Variants in ZNF658 observed in about 807,000 individuals in gnomAD.
ZNF658 encodes the protein zinc finger protein 658.
A neutral mutation model predicts 78.0 loss-of-function variants in ZNF658; 46 were observed. The observed-to-expected ratio is 0.59, with a 90% CI of 0.47 to 0.75. The LOEUF is 0.75. ZNF658 is among the 30% of genes least tolerant of loss of function. The pLI, the probability that ZNF658 is intolerant of heterozygous loss-of-function variation, is 0.00. For missense variants in ZNF658, 785 were observed against 1,189.3 expected (o/e 0.66, Z 5.00); for synonymous variants, 279 against 408.4 (o/e 0.68, Z 3.82).
intron 6 of ZNF658, among the ~76,000 whole-genome samples, chr9:66,931,480 T>G (rs1267158919): frequency 6.6e-6 from 1 of 152,172 alleles, no homozygotes; most frequent in Non-Finnish European, 1.5e-5. Flanking sequence ...GGAACGTTTA[T>G]CTATGTAGAA....
chr9:66,909,919 G>T (rs1319146196), intron 4 of ZNF658, among the ~76,000 whole-genome samples: 4 of 152,192 alleles, frequency 2.6e-5, no homozygotes, highest in African/African-American at 9.7e-5. Flanking sequence ...TAATAAGTTG[G>T]TTTCTGGTGA....
At chr9:66,909,683 A>G in intron 4 of ZNF658, among the ~76,000 whole-genome samples, 1 of 152,294 alleles carries the variant, frequency 6.6e-6, no homozygotes. Context: ...TCCTAACAAC[A>G]GCATATGGGG....
rs1357441626 is a variant in ZNF658 at position 66,918,723 on chromosome 9, A to G, written c.1157A>G (p.His386Arg). The change falls in exon 5 of 5, where the codon CAT (histidine) becomes CGT (arginine). Residue 386 changes from histidine to arginine, a missense_variant. Coordinates refer to ENST00000621410, the MANE Select transcript of ZNF658 (RefSeq NM_033160.7). ...GATAAATTCTACCTTTCTGATGAAC[A>G]TGGGAAATGCAGAAAATCCTTTTAC... is the stretch of plus-strand genomic sequence containing the variant. ...TEDKFYLSDE[H>R]GKCRKSFYRK... is the part of the protein sequence containing the mutation. 4 of 1,613,986 alleles carry G rather than the reference A, an allele frequency of 2.5e-6. No homozygotes were observed. Among genetic ancestry groups the G allele is most frequent in the Non-Finnish European group, 2.5e-6 (3 of 1,179,862 alleles).
chr9:66,901,145 A>T (rs959505971), intron 1 of ZNF658: 3 of 152,140 alleles, frequency 2.0e-5, no homozygotes, highest in African/African-American at 7.2e-5. Context: ...GCATTTTGTT[A>T]AGTGTCTGTA....
At chr9:66,914,425 A>T (rs1822286258) in intron 4 of ZNF658, among the ~76,000 whole-genome samples, 1 of 151,946 alleles carries the variant, frequency 6.6e-6, no homozygotes, top group African/African-American at 2.4e-5. Flanking sequence ...GTGTAAATTT[A>T]CTCTGTATCT....
chr9:66,924,307 C>A (rs1332492419), downstream of ZNF658: 1 of 446,688 alleles, frequency 2.2e-6, no homozygotes, highest in East Asian at 7.0e-5. Flanking sequence ...ATGTTAAATG[C>A]TGGTCAGCTG....
rs1336249280 is a variant in ZNF658, at chr9:66,918,724, T to G, written c.1158T>G (p.His386Gln). Reference sequence around the variant, plus strand: ...ATAAATTCTACCTTTCTGATGAACATGGGAAATGCAGAAAATCCTTTTACC... The same window carrying G: ...ATAAATTCTACCTTTCTGATGAACAGGGGAAATGCAGAAAATCCTTTTACC... ...TEDKFYLSDE[H>Q]GKCRKSFYRK... The change falls in exon 5 of 5, where the codon CAT becomes CAG. Residue 386 changes from histidine to glutamine, a missense_variant. By Grantham distance (24) the His-to-Gln change is conservative (BLOSUM62 0). Transcript: ENST00000621410. 2.5e-5 allele frequency: 40 copies of G among 1,613,940 alleles called. No homozygotes were observed. Among genetic ancestry groups the G allele is most frequent in the Non-Finnish European group, 2.4e-5 (28 of 1,179,854 alleles).
chr9:66,926,335 A>G (rs532210462), downstream of ZNF658, among the ~76,000 whole-genome samples: 29 of 150,004 alleles, frequency 1.9e-4, no homozygotes, highest in African/African-American at 5.4e-4. Context: ...AAAACTCTAA[A>G]GACTCCACAA....
chr9:66,925,132 T>TG (rs1233696112), downstream of ZNF658, among the ~76,000 whole-genome samples: 1 of 140,932 alleles, frequency 7.1e-6, no homozygotes, highest in Non-Finnish European at 1.5e-5. Context: ...ATAGAAAATT[T>TG]TTGAGAAGGT....
intron 4 of ZNF658, among the ~76,000 whole-genome samples, chr9:66,915,485 C>A (rs1304733801): frequency 6.7e-6 from 1 of 150,088 alleles, no homozygotes; most frequent in East Asian, 2.0e-4. Flanking sequence ...AAGGATATAA[C>A]AAGAAGTGAG....
Position 66,920,281 on chromosome 9 carries a change from A to G in ZNF658, c.2715A>G (p.Ser905=), listed in dbSNP as rs748095957. The G allele has an allele frequency of 1.2e-6, 2 of 1,613,884 alleles. No individual in the cohort carries two copies. Among genetic ancestry groups the G allele is most frequent in the East Asian group, 4.5e-5 (2 of 44,846 alleles). Residue 905 remains serine, a synonymous_variant, in exon 5 of 5, where the codon TCA becomes TCG. Coordinates refer to ENST00000621410, the MANE Select transcript of ZNF658 (RefSeq NM_033160.7). The part of the protein sequence containing the change: ...SHLRAHLRTR[S]GEKPYECSEC... ...TCAGAGCACATCTTAGAACTCGCTCAGGGGAGAAACCCTATGAATGCAGTG... is the reference window on the plus strand; with the variant it reads ...TCAGAGCACATCTTAGAACTCGCTCGGGGGAGAAACCCTATGAATGCAGTG...
intron 4 of ZNF658, among the ~76,000 whole-genome samples, chr9:66,912,683 CTTGCTG>C (rs1377264894): frequency 2.0e-5 from 3 of 151,822 alleles, no homozygotes; most frequent in African/African-American, 7.3e-5. Flanking sequence ...AAAGTGAGCA[CTTGCTG>C]TTGGAAAAAT....
chr9:66,914,112 TAGG>T (rs1822278137), intron 4 of ZNF658, among the ~76,000 whole-genome samples: 1 of 151,638 alleles, frequency 6.6e-6, no homozygotes, highest in Non-Finnish European at 1.5e-5. Flanking sequence ...CTGTAGAACT[TAGG>T]AGAATTGACA....
At position 66,919,019 on chromosome 9, in the gene ZNF658, C is replaced by A. The variant is rs1400797847; in HGVS notation, c.1453C>A (p.Gln485Lys). 4 of 891,200 alleles carry A rather than the reference C, an allele frequency of 4.5e-6. No individual in the cohort carries two copies. In the South Asian group the frequency reaches 6.4e-5, roughly 14 times the overall value. The allele number at this position is 891,200 out of a possible 1,614,324, so 55.2% of individuals were successfully genotyped here. ...TTACAAGTCACCCCTCATAGGACAC[C>A]AGAAAACAGATGCAGAGATGGAACT... is the stretch of plus-strand genomic sequence containing the variant. ...RSYKSPLIGH[Q>K]KTDAEMELCG... is the part of the protein sequence containing the mutation. Residue 485 changes from glutamine to lysine, a missense_variant, in exon 5 of 5, where the codon CAG (glutamine) becomes AAG (lysine). This residue lies in a region of ZNF658 where 393 missense variants were observed against 400.2 expected (regional missense o/e 0.98). Coordinates refer to ENST00000621410, the MANE Select transcript of ZNF658 (RefSeq NM_033160.7).
In ZNF658 at chr9:66,919,073, T is replaced by C; in HGVS notation, c.1507T>C (p.Ser503Pro). ...LCGGSEYGKT[S>P]HLKGHQRILM... Reference sequence around the variant, plus strand: ...TGGTGGCAGTGAATATGGGAAGACATCACATCTCAAAGGACATCAGAGAAT... The same window carrying C: ...TGGTGGCAGTGAATATGGGAAGACACCACATCTCAAAGGACATCAGAGAAT... The change falls in exon 5 of 5, where the codon TCA (serine) becomes CCA (proline). Residue 503 changes from serine (S) to proline (P), a missense_variant. By Grantham distance (74) the Ser-to-Pro change is moderately conservative (BLOSUM62 -1). This residue lies in a region of ZNF658 where 393 missense variants were observed against 400.2 expected (regional missense o/e 0.98). Transcript: ENST00000621410. 4.9e-6 allele frequency: 3 copies of C among 608,752 alleles called. No individual in the cohort carries two copies. Among genetic ancestry groups the C allele is most frequent in the Non-Finnish European group, 7.9e-6 (3 of 379,512 alleles). 37.7% of individuals were successfully genotyped at this position (608,752 alleles called of 1,614,324 possible). A position where few individuals can be genotyped will look rare whatever the true frequency, so the allele number is the denominator to read the frequency against.
At position 66,907,985 on chromosome 9, in the gene ZNF658, G is replaced by T. The variant is rs1025747964; in HGVS notation, c.16-253G>T. 2.0e-5 allele frequency among the ~76,000 whole-genome samples: 3 copies of T among 151,126 alleles called. No individual in the cohort carries two copies. In the East Asian group the frequency reaches 5.8e-4, roughly 29 times the overall value. On this transcript the variant is annotated intron_variant, in intron 2 of 4. Transcript: ENST00000621410. ...TGCGGAGATGTGGAAGAAGGAAGGAGGTGGTTGGAAGGAAGTTGTTTTACA... is the reference window on the plus strand; with the variant it reads ...TGCGGAGATGTGGAAGAAGGAAGGATGTGGTTGGAAGGAAGTTGTTTTACA...
intron 4 of ZNF658, among the ~76,000 whole-genome samples, chr9:66,917,350 G>C (rs1168608489): frequency 6.8e-6 from 1 of 148,128 alleles, no homozygotes; most frequent in African/African-American, 2.5e-5. Flanking sequence ...GATGAGGAGA[G>C]AGTCTGTCTG....
At chr9:66,913,521 T>TGATGTG (rs1276728927) in intron 4 of ZNF658, among the ~76,000 whole-genome samples, 7 of 152,072 alleles carry the variant, frequency 4.6e-5, no homozygotes, top group African/African-American at 1.7e-4. Flanking sequence ...TAGCAGGCAG[T>TGATGTG]GATGCTGCAC....
chr9:66,908,949 T>C (rs530427989), intron 4 of ZNF658, among the ~76,000 whole-genome samples: 30 of 152,304 alleles, frequency 2.0e-4, no homozygotes, highest in African/African-American at 7.2e-4. Flanking sequence ...GTATAGACAT[T>C]TTTTTCCTGT....
Sources: gnomAD v4.1 joint callset for allele counts (sites outside exome capture counted in the v4.1 genomes callset) on GRCh38, gnomAD v4.1.1 for gene constraint, gnomAD v4.1.1 regional missense constraint, MANE v1.5 for transcripts, NCBI Gene and HGNC (gene_info 2026-07-23, HGNC 2026-07-21) for gene names.